Variants in USP6 observed in about 807,000 individuals in gnomAD.
The protein encoded by USP6 is ubiquitin carboxyl-terminal hydrolase 6.
A neutral mutation model predicts 175.7 loss-of-function variants in USP6; 128 were observed. The observed-to-expected ratio is 0.73, with a 90% CI of 0.63 to 0.84. The LOEUF (loss-of-function observed/expected upper bound fraction) is 0.84. USP6 is among the 40% of genes least tolerant of loss of function. USP6 has a pLI of 0.00. For missense variants in USP6, 1,498 were observed against 1,760.3 expected, an observed-to-expected ratio of 0.85 and a Z score of 2.67; for synonymous variants, 562 against 630.6, an observed-to-expected ratio of 0.89 and a Z score of 1.63.
At chr17:5,136,839 C>G in intron 18 of USP6, 105 bp downstream of exon 18, 1 of 1,508,134 alleles carries the variant, frequency 6.6e-7, no homozygotes, top group Non-Finnish European at 9.2e-7. Flanking sequence ...TGGCGGAGTC[C>G]CAGCTAGGGC....
intron 11 of USP6, among the ~76,000 whole-genome samples, chr17:5,131,887 A>T (rs116874235): frequency 0.057 from 8,688 of 152,164 alleles, 313 homozygotes; most frequent in East Asian, 0.15. Context: ...AGGCAGGTGG[A>T]TGCTGAGACG....
chr17:5,119,243 A>C (rs935034609), intron 2 of USP6, among the ~76,000 whole-genome samples: 7 of 152,224 alleles, frequency 4.6e-5, no homozygotes, highest in African/African-American at 1.4e-4. Flanking sequence ...TATGAAGGCA[A>C]ACTTTGATCA....
At chr17:5,161,434 C>G (rs892359019) in intron 31 of USP6, 94 bp from the exon 32 acceptor site, 2 of 1,317,212 alleles carry the variant, frequency 1.5e-6, no homozygotes, top group African/African-American at 1.5e-5. Context: ...GTGGCAAATG[C>G]CCCTTCCTAG....
At chr17:5,124,414 G>A (rs1037600239) in intron 4 of USP6, among the ~76,000 whole-genome samples, 152 bp from the exon 5 acceptor site, 3 of 152,232 alleles carry the variant, frequency 2.0e-5, no homozygotes, top group African/African-American at 7.2e-5. Context: ...ACTCGGTTGG[G>A]AATGGCAGCT....
intron 2 of USP6, 110 bp from the exon 3 acceptor site, chr17:5,120,517 C>G: frequency 5.9e-6 from 2 of 340,800 alleles, no homozygotes; most frequent in Non-Finnish European, 1.1e-5. Context: ...CTGTGTCTGT[C>G]TGTCTGTCTG....
chr17:5,123,385 C>T (rs2072769413), intron 4 of USP6, among the ~76,000 whole-genome samples: 1 of 151,678 alleles, frequency 6.6e-6, no homozygotes, highest in Admixed American at 6.6e-5. Context: ...TCAGCAGGCC[C>T]GGCGTGGCGT....
chr17:5,123,829 A>T (rs1317113446), intron 4 of USP6, among the ~76,000 whole-genome samples: 1 of 151,982 alleles, frequency 6.6e-6, no homozygotes, highest in Admixed American at 6.5e-5. Context: ...AAACATGCAC[A>T]CATACAGAGT....
chr17:5,126,400 G>A (rs1212585227), intron 6 of USP6, among the ~76,000 whole-genome samples: 4 of 152,130 alleles, frequency 2.6e-5, no homozygotes, highest in African/African-American at 9.7e-5. Flanking sequence ...TAGTGAGGAA[G>A]GGCTGTAGTC....
intron 13 of USP6, among the ~76,000 whole-genome samples, 189 bp from the exon 14 acceptor site, chr17:5,133,254 G>A (rs1292492821): frequency 1.3e-5 from 2 of 152,040 alleles, no homozygotes; most frequent in Non-Finnish European, 1.5e-5. Context: ...GAAAAGGTTC[G>A]GATCAGAGTT....
At position 5,130,700 on chromosome 17, in the gene USP6, T is replaced by C. The variant is rs1406298243; in HGVS notation, c.155+16T>C. The C allele has an allele frequency of 6.2e-7, 1 of 1,613,792 alleles. No individual in the cohort carries two copies. Among genetic ancestry groups the C allele is most frequent in the South Asian group, 1.1e-5 (1 of 91,076 alleles). ...GCATTTTGCAGTGAGTCATCCTCTA[T>C]GCTCCCCTCACCCCTAAAGCAGCTG... On this transcript the variant is annotated intron_variant, in intron 11 of 37. Coordinates refer to ENST00000574788, the MANE Select transcript of USP6 (RefSeq NM_001304284.2).
At chr17:5,122,410 CTG>C (rs2072706924) in intron 4 of USP6, among the ~76,000 whole-genome samples, 1 of 152,216 alleles carries the variant, frequency 6.6e-6, no homozygotes, top group South Asian at 2.1e-4. Context: ...AGGCCTTCAG[CTG>C]GCAGTATCCT....
chr17:5,164,560 T>C (rs981719450), intron 33 of USP6, among the ~76,000 whole-genome samples: 1 of 152,236 alleles, frequency 6.6e-6, no homozygotes, highest in African/African-American at 2.4e-5. Context: ...ACAAATCCAG[T>C]GTGCAATCGG....
intron 18 of USP6, 113 bp downstream of exon 18, chr17:5,136,847 G>A (rs781366624): frequency 6.7e-7 from 1 of 1,488,186 alleles, no homozygotes; most frequent in Non-Finnish European, 9.3e-7. Flanking sequence ...TCCCAGCTAG[G>A]GCCTGACCTG....
intron 30 of USP6, among the ~76,000 whole-genome samples, chr17:5,151,091 C>G (rs2073758196): frequency 6.6e-6 from 1 of 151,962 alleles, no homozygotes; most frequent in African/African-American, 2.4e-5. Context: ...CTACAAACAT[C>G]CTTTTACCAA....
At chr17:5,138,306 A>G (rs1267519863) in intron 21 of USP6, 33 bp downstream of exon 21, 1 of 1,611,858 alleles carries the variant, frequency 6.2e-7, no homozygotes. Flanking sequence ...CTCCCATGTC[A>G]GCCTCTGGGG....
chr17:5,151,560 A>G (rs1214268635), intron 30 of USP6, among the ~76,000 whole-genome samples: 1 of 152,198 alleles, frequency 6.6e-6, no homozygotes, highest in African/African-American at 2.4e-5. Flanking sequence ...GTATGAGGAT[A>G]TCATCAAGAT....
At chr17:5,137,371 C>T (rs1212795271) in intron 19 of USP6, among the ~76,000 whole-genome samples, 185 bp downstream of exon 19, 2 of 152,240 alleles carry the variant, frequency 1.3e-5, no homozygotes, top group South Asian at 4.1e-4. Context: ...GACTCAGGTC[C>T]AGCCTCATGG....
chr17:5,136,592 C>T, intron 17 of USP6, 48 bp from the exon 18 acceptor site: 1 of 1,603,046 alleles, frequency 6.2e-7, no homozygotes, highest in Non-Finnish European at 8.5e-7. Flanking sequence ...GATGGCTCCA[C>T]ACCTTGGGGG....
At chr17:5,168,155 G>T (rs773590540) in intron 34 of USP6, 32 bp downstream of exon 34, 7 of 1,541,068 alleles carry the variant, frequency 4.5e-6, no homozygotes, top group South Asian at 1.2e-5. Flanking sequence ...GAGAGAGCAG[G>T]AATCTAGCAT....
Sources: allele counts gnomAD v4.1 joint callset (sites outside exome capture counted in the v4.1 genomes callset), GRCh38; gene constraint gnomAD v4.1.1; transcripts MANE v1.5; gene names NCBI Gene and HGNC (gene_info 2026-07-23, HGNC 2026-07-21).